Variants in GRIA4 observed in about 807,000 individuals in gnomAD.
The protein encoded by GRIA4 is glutamate ionotropic receptor AMPA type subunit 4.
In GRIA4, 34 loss-of-function variants were observed where a neutral mutation model predicts 104.0. The ratio of observed to expected loss-of-function variants is 0.33; its 90% CI spans 0.25 to 0.44. The LOEUF is 0.44. Among genes scored for constraint, GRIA4 ranks in the 20% least tolerant of loss-of-function variants. The pLI is 1.00. For synonymous variants in GRIA4, 386 were observed against 381.9 expected, an observed-to-expected ratio of 1.01 and a Z score of -0.13; for missense variants, 750 against 1,096.5, an observed-to-expected ratio of 0.68 and a Z score of 4.46.
chr11:105,674,439 T>C (rs1279190218), intron 3 of GRIA4, among the ~76,000 whole-genome samples: 1 of 151,614 alleles, frequency 6.6e-6, no homozygotes, highest in African/African-American at 2.4e-5. Flanking sequence ...CAGGATGATT[T>C]TTGTATTGGC....
rs1954165539 is a variant in GRIA4, at chr11:105,718,141, A to C, written c.248-34840A>C. Among the ~76,000 whole-genome samples the C allele has an allele frequency of 2.0e-5, 3 of 152,182 alleles. No homozygotes were observed. The South Asian group carries it at 6.2e-4, about 32-fold the overall frequency. On this transcript the variant is annotated intron_variant, in intron 3 of 16. Transcript: ENST00000282499. ...TGGCTCACCTCAAACATAAGCCCAGAATATGGAAAAAGTAAACACTGAGTC... is the reference window on the plus strand; with the variant it reads ...TGGCTCACCTCAAACATAAGCCCAGCATATGGAAAAAGTAAACACTGAGTC...
intron 4 of GRIA4, among the ~76,000 whole-genome samples, chr11:105,811,611 G>T (rs567381501): frequency 6.6e-6 from 1 of 152,220 alleles, no homozygotes; most frequent in South Asian, 2.1e-4. Flanking sequence ...TGAGCTGCCC[G>T]ACAAAATGCA....
chr11:105,749,724 C>A (rs1565515384), intron 3 of GRIA4, among the ~76,000 whole-genome samples: 1 of 152,092 alleles, frequency 6.6e-6, no homozygotes, highest in Non-Finnish European at 1.5e-5. Flanking sequence ...TTGACACAAT[C>A]AGGTAAAAAA....
chr11:105,730,775 G>C (rs1938534600), intron 3 of GRIA4, among the ~76,000 whole-genome samples: 1 of 152,056 alleles, frequency 6.6e-6, no homozygotes, highest in Admixed American at 6.6e-5. Flanking sequence ...CAAGCAGTGG[G>C]GTAAGGATTC....
intron 3 of GRIA4, among the ~76,000 whole-genome samples, chr11:105,720,988 G>C (rs1937768344): frequency 6.6e-6 from 1 of 152,148 alleles, no homozygotes. Context: ...AAGTGGGAAT[G>C]GGGCTGCCTA....
At chr11:105,621,738 T>A (rs1317959322) in intron 3 of GRIA4, among the ~76,000 whole-genome samples, 3 of 151,828 alleles carry the variant, frequency 2.0e-5, no homozygotes, top group Admixed American at 1.3e-4. Context: ...GTAAAATTGC[T>A]ATATCAAATA....
chr11:105,753,502 A>G (rs1159677723), intron 4 of GRIA4, among the ~76,000 whole-genome samples: 3 of 152,172 alleles, frequency 2.0e-5, no homozygotes, highest in Non-Finnish European at 4.4e-5. Flanking sequence ...CTGCTCTCAC[A>G]CAACAATCAA....
intron 3 of GRIA4, among the ~76,000 whole-genome samples, chr11:105,659,409 T>A (rs1489174003): frequency 6.6e-6 from 1 of 151,970 alleles, no homozygotes; most frequent in Non-Finnish European, 1.5e-5. Context: ...TTTTCCTTCA[T>A]TGCATTTATT....
rs571245342 is a variant in GRIA4 at position 105,735,398 on chromosome 11, G to A, written c.248-17583G>A. Reference sequence around the variant, plus strand: ...TTAAATATTTGAATAATTAAAATGTGCTCAGACCCATTAGCAAATATCCAC... The same window carrying A: ...TTAAATATTTGAATAATTAAAATGTACTCAGACCCATTAGCAAATATCCAC... On this transcript the variant is annotated intron_variant, in intron 3 of 16. Transcript: ENST00000282499. Among the ~76,000 whole-genome samples, 20 of 152,168 alleles carry A rather than the reference G, an allele frequency of 1.3e-4. 1 individual carries two copies. The South Asian group carries it at 3.9e-3, about 30-fold the overall frequency.
chr11:105,847,458 C>T lies in GRIA4; in HGVS notation c.488-14566C>T, dbSNP rs1944641666. The stretch of plus-strand genomic sequence containing the variant: ...AATATATCAGCAACTTAAGGGGAAA[C>T]ATATTCCATAAAAAACCTCTTTATC... On this transcript the variant is annotated intron_variant, in intron 4 of 16. Transcript: ENST00000282499. Among the ~76,000 whole-genome samples the T allele has an allele frequency of 2.6e-5, 4 of 152,152 alleles. No individual in the cohort carries two copies. In the South Asian group the frequency reaches 8.3e-4, roughly 32 times the overall value.
At chr11:105,838,329 C>G (rs1944268879) in intron 4 of GRIA4, among the ~76,000 whole-genome samples, 1 of 152,146 alleles carries the variant, frequency 6.6e-6, no homozygotes, top group East Asian at 1.9e-4. Flanking sequence ...GGAGTTTCTT[C>G]TGCTGTGGGG....
intron 3 of GRIA4, among the ~76,000 whole-genome samples, chr11:105,673,027 A>T (rs1952423657): frequency 6.6e-6 from 1 of 152,086 alleles, no homozygotes; most frequent in Non-Finnish European, 1.5e-5. Context: ...TGATTAAACC[A>T]TTATAACCTA....
chr11:105,751,099 A>G (rs913920845), intron 3 of GRIA4, among the ~76,000 whole-genome samples: 3 of 152,202 alleles, frequency 2.0e-5, no homozygotes, highest in African/African-American at 7.2e-5. Context: ...ATTTGTGTAT[A>G]GTTTCAGCAC....
At chr11:105,791,402 A>G (rs1016550637) in intron 4 of GRIA4, among the ~76,000 whole-genome samples, 3 of 152,168 alleles carry the variant, frequency 2.0e-5, no homozygotes, top group Non-Finnish European at 4.4e-5. Flanking sequence ...TTAATGCATA[A>G]TGTTCTTCTA....
Position 105,779,986 on chromosome 11 carries a change from G to T in GRIA4, c.487+26766G>T, listed in dbSNP as rs142288541. ...CTGACTAGAGGAATTGCTTTAAAGG[G>T]TAAAAGTATTAAGATAGTGGAATTG... On this transcript the variant is annotated intron_variant, in intron 4 of 16. Coordinates refer to ENST00000282499, the MANE Select transcript of GRIA4 (RefSeq NM_000829.4). 4.2e-3 allele frequency among the ~76,000 whole-genome samples: 639 copies of T among 152,208 alleles called. 13 individuals are homozygous for T. Among genetic ancestry groups the T allele is most frequent in the Admixed American group, 5.4e-3 (83 of 15,286 alleles).
chr11:105,671,600 T>A (rs943050770), intron 3 of GRIA4, among the ~76,000 whole-genome samples: 63 of 127,056 alleles, frequency 5.0e-4, no homozygotes, highest in African/African-American at 1.7e-3. Context: ...ATCGCTTGAA[T>A]CCAGGAGGTG....
rs137872429 is a variant in GRIA4 at position 105,814,275 on chromosome 11, A to T, written c.488-47749A>T. ...GTGGCTGCTATGGGGGAAAATGGAC[A>T]TTAATGTCTGGTACGTAGTGTCAAA... On this transcript the variant is annotated intron_variant, in intron 4 of 16. Coordinates refer to ENST00000282499, the MANE Select transcript of GRIA4 (RefSeq NM_000829.4). Among the ~76,000 whole-genome samples the T allele has an allele frequency of 3.7e-3, 570 of 152,336 alleles. 3 individuals are homozygous for T. Among genetic ancestry groups the T allele is most frequent in the African/African-American group, 0.013 (545 of 41,582 alleles).
intron 4 of GRIA4, among the ~76,000 whole-genome samples, chr11:105,765,936 A>G (rs1286151721): frequency 1.3e-5 from 2 of 152,208 alleles, no homozygotes; most frequent in African/African-American, 2.4e-5. Flanking sequence ...GTGTTTCATT[A>G]CTAAGAAAAT....
chr11:105,764,878 T>C (rs1940858308), intron 4 of GRIA4, among the ~76,000 whole-genome samples: 1 of 152,148 alleles, frequency 6.6e-6, no homozygotes, highest in Non-Finnish European at 1.5e-5. Flanking sequence ...GAAATTATTG[T>C]TTCTTGTCTA....
Sources: allele counts gnomAD v4.1 joint callset (sites outside exome capture counted in the v4.1 genomes callset), GRCh38; gene constraint gnomAD v4.1.1; transcripts MANE v1.5; gene names NCBI Gene and HGNC (gene_info 2026-07-23, HGNC 2026-07-21).